RGMA: variants seen among roughly 807,000 people sequenced by gnomAD.
RGMA encodes repulsive guidance molecule BMP co-receptor a.
A neutral mutation model predicts 23.2 loss-of-function variants in RGMA; 10 were observed. That is an observed-to-expected ratio of 0.43 (90% CI 0.27 to 0.73). RGMA has a LOEUF of 0.73. RGMA is among the 30% of genes least tolerant of loss of function. The pLI, the probability that RGMA is intolerant of heterozygous loss-of-function variation, is 0.20. For missense variants in RGMA, 547 were observed against 630.5 expected, an observed-to-expected ratio of 0.87 and a Z score of 1.42; for synonymous variants, 308 against 279.3, an observed-to-expected ratio of 1.10 and a Z score of -1.03.
intron 1 of RGMA, chr15:93,073,710 C>T (rs1895416983): frequency 6.5e-7 from 1 of 1,537,126 alleles, no homozygotes; most frequent in Non-Finnish European, 8.7e-7. Context: ...ATCTCAGCTA[C>T]TAACGCACCT....
chr15:93,066,511 C>T (rs1304911277), intron 2 of RGMA: 11 of 494,244 alleles, frequency 2.2e-5, no homozygotes, highest in Admixed American at 9.9e-5. Context: ...GGGCCCGAGG[C>T]GACTCCGCCC....
intron 2 of RGMA, among the ~76,000 whole-genome samples, chr15:93,055,409 G>A (rs968542809): frequency 1.3e-5 from 2 of 152,108 alleles, no homozygotes; most frequent in African/African-American, 2.4e-5. Context: ...TGCTGCAGGC[G>A]GTACAGGCCT....
chr15:93,084,534 G>A (rs1258744820), intron 1 of RGMA, among the ~76,000 whole-genome samples: 7 of 152,002 alleles, frequency 4.6e-5, no homozygotes, highest in Non-Finnish European at 7.4e-5. Flanking sequence ...GTGCAGTGGT[G>A]TGATCTTGGT....
chr15:93,067,647 G>T (rs1223655989), intron 2 of RGMA, among the ~76,000 whole-genome samples: 2 of 152,052 alleles, frequency 1.3e-5, no homozygotes, highest in Non-Finnish European at 2.9e-5. Context: ...AGAGTGGCCA[G>T]GTGGGGTGTG....
intron 1 of RGMA, among the ~76,000 whole-genome samples, chr15:93,078,223 C>G (rs78238577): frequency 0.043 from 6,529 of 152,250 alleles, 237 homozygotes; most frequent in African/African-American, 0.093. Context: ...CTAGATTTCT[C>G]TAACAGATCC....
intron 2 of RGMA, among the ~76,000 whole-genome samples, chr15:93,071,252 G>A (rs780755373): frequency 5.9e-5 from 9 of 152,214 alleles, no homozygotes; most frequent in Non-Finnish European, 1.3e-4. Flanking sequence ...CCAAAACGTT[G>A]ACTTCTTCTT....
intron 2 of RGMA, chr15:93,066,676 C>T: frequency 2.6e-6 from 1 of 389,340 alleles, no homozygotes; most frequent in Non-Finnish European, 5.0e-6. Flanking sequence ...GTACCGGCCC[C>T]CGCCGCCGCC....
rs2054789969 is a variant in RGMA at position 93,044,921 on chromosome 15, C to T, written c.*77G>A. On this transcript the variant is annotated 3_prime_UTR_variant, in exon 4 of 4. Transcript: ENST00000329082. Reference sequence around the variant, plus strand: ...CATGGTGGACACGCCAGGAGATCTGCACCCCGTGGGCGGTCCCAGCCCACA... The same window carrying T: ...CATGGTGGACACGCCAGGAGATCTGTACCCCGTGGGCGGTCCCAGCCCACA... The T allele has an allele frequency of 8.0e-7, 1 of 1,250,126 alleles. No individual in the cohort carries two copies. Among genetic ancestry groups the T allele is most frequent in the Non-Finnish European group, 1.1e-6 (1 of 903,454 alleles). The allele number at this position is 1,250,126 out of a possible 1,614,324, so 77.4% of individuals were successfully genotyped here.
intron 2 of RGMA, among the ~76,000 whole-genome samples, chr15:93,059,211 C>A (rs1160663496): frequency 6.6e-6 from 1 of 152,196 alleles, no homozygotes; most frequent in African/African-American, 2.4e-5. Context: ...ACTGACCCAG[C>A]TCCCCCAAGG....
Position 93,038,526 on chromosome 15 carries a change from A to G in RGMA, c.*6472T>C, listed in dbSNP as rs1482067698. The G allele has an allele frequency of 6.9e-6, 1 of 145,384 alleles. No homozygotes were observed. Among genetic ancestry groups the G allele is most frequent in the Non-Finnish European group, 1.5e-5 (1 of 66,578 alleles). The allele number at this position is 145,384 out of a possible 1,614,324, so 9.0% of individuals were successfully genotyped here. On this transcript the variant is annotated 3_prime_UTR_variant, in exon 4 of 4. Transcript: ENST00000329082. ...GGGCAGGGGTGGCGTGGCATGCAGG[A>G]GCTGCCCCATGGACATTGCCTTAAT...
chr15:93,073,112 G>T, intron 1 of RGMA, 81 bp from the exon 2 acceptor site: 1 of 1,390,910 alleles, frequency 7.2e-7, no homozygotes, highest in Non-Finnish European at 9.4e-7. Flanking sequence ...GGCGGGAGCA[G>T]CGAGCCGGGA....
At chr15:93,074,982 C>G (rs944120278) in intron 1 of RGMA, among the ~76,000 whole-genome samples, 3 of 152,168 alleles carry the variant, frequency 2.0e-5, no homozygotes, top group Non-Finnish European at 2.9e-5. Flanking sequence ...GCAGCATGTC[C>G]AGGTTGGAGA....
intron 2 of RGMA, among the ~76,000 whole-genome samples, chr15:93,064,127 T>A (rs2141829015): frequency 6.6e-6 from 1 of 151,922 alleles, no homozygotes; most frequent in East Asian, 2.0e-4. Context: ...GGTGTGAGAG[T>A]GTGGTGTTCA....
At position 93,043,170 on chromosome 15, in the gene RGMA, G is replaced by A. The variant is rs923429249; in HGVS notation, c.*1828C>T. The A allele has an allele frequency of 7.2e-5, 11 of 152,128 alleles. No homozygotes were observed. Among genetic ancestry groups the A allele is most frequent in the Admixed American group, 2.0e-4 (3 of 15,274 alleles). 9.4% of individuals were successfully genotyped at this position (152,128 alleles called of 1,614,324 possible). The stretch of plus-strand genomic sequence containing the variant: ...ACCATTCTCACGCACATACACATGC[G>A]CACACACATGCCTACATGCACACAC... On this transcript the variant is annotated 3_prime_UTR_variant, in exon 4 of 4. Transcript: ENST00000329082.
At position 93,045,028 on chromosome 15, in the gene RGMA, C is replaced by T. The variant is rs373569017; in HGVS notation, c.1323G>A (p.Pro441=). 98 of 1,600,158 alleles carry T rather than the reference C, an allele frequency of 6.1e-5. No individual in the cohort carries two copies. The highest frequency in any genetic ancestry group is 7.4e-5 in the Non-Finnish European group (87 of 1,173,822). The change falls in exon 4 of 4, where the codon CCG becomes CCA. Residue 441 remains proline (P), a synonymous_variant. Transcript: ENST00000329082. The surrounding 1 kb of genome is among the most constrained non-coding windows in gnomAD (Gnocchi z 6.9). ...AGAACACAGGGAGCAGGGCCAGGAGCGGGACGAGGGCGCCCAGGAGGGGCC... is the reference window on the plus strand; with the variant it reads ...AGAACACAGGGAGCAGGGCCAGGAGTGGGACGAGGGCGCCCAGGAGGGGCC... ...APRPLLGALV[P]LLALLPVFC
rs764502684 is a variant in RGMA, at chr15:93,052,017, G to T, written c.621C>A (p.Gly207=). 1.2e-6 allele frequency: 2 copies of T among 1,608,000 alleles called. No individual in the cohort carries two copies. The highest frequency in any genetic ancestry group is 1.7e-6 in the Non-Finnish European group (2 of 1,177,928). ...VQVTNTPVLP[G]SAATATSKLT... ...CCTTGCTGGTGGCAGTGGCCGCTGAGCCGGGCAGCACAGGCGTGTTGGTGA... is the reference window on the plus strand; with the variant it reads ...CCTTGCTGGTGGCAGTGGCCGCTGATCCGGGCAGCACAGGCGTGTTGGTGA... Residue 207 remains glycine, a synonymous_variant, in exon 3 of 4, where the codon GGC becomes GGA. Coordinates refer to ENST00000329082, the MANE Select transcript of RGMA (RefSeq NM_020211.3).
At chr15:93,047,262 G>A (rs924515672) in intron 3 of RGMA, among the ~76,000 whole-genome samples, 5 of 152,146 alleles carry the variant, frequency 3.3e-5, no homozygotes, top group African/African-American at 9.7e-5. Flanking sequence ...ACCCTAAGCA[G>A]GTTTCTGGGT....
intron 1 of RGMA, among the ~76,000 whole-genome samples, chr15:93,087,656 G>C (rs1455750102): frequency 6.6e-6 from 1 of 152,140 alleles, no homozygotes; most frequent in African/African-American, 2.4e-5. Flanking sequence ...AGAAGACAGA[G>C]GTTTGTGCAT....
chr15:93,061,938 C>T (rs1894979147), intron 2 of RGMA, among the ~76,000 whole-genome samples: 1 of 152,064 alleles, frequency 6.6e-6, no homozygotes, highest in Non-Finnish European at 1.5e-5. Context: ...CCTAGGAATG[C>T]AGTGAGCTGC....
Sources: gnomAD v4.1 joint callset for allele counts (sites outside exome capture counted in the v4.1 genomes callset) on GRCh38, gnomAD v4.1.1 for gene constraint, Gnocchi (gnomAD v3.1) non-coding constraint, MANE v1.5 for transcripts, NCBI Gene and HGNC (gene_info 2026-07-23, HGNC 2026-07-21) for gene names.